Variants in SCEL observed in about 807,000 individuals in gnomAD.
SCEL encodes sciellin.
In SCEL, 113 loss-of-function variants were observed where a neutral mutation model predicts 117.6. The ratio of observed to expected loss-of-function variants is 0.96; its 90% CI spans 0.83 to 1.12. The LOEUF (loss-of-function observed/expected upper bound fraction) is 1.12, where lower values mean the gene tolerates loss of function less well. Ranked by LOEUF, SCEL falls within the 50% of genes most tolerant of loss-of-function variation. The probability of loss-of-function intolerance (pLI) is 0.00; values close to 1 mark genes in which losing one functional copy is unlikely to be tolerated. For missense variants in SCEL, 785 were observed against 810.8 expected (o/e 0.97, Z 0.39); for synonymous variants, 270 against 256.2 (o/e 1.05, Z -0.51).
chr13:77,564,054 C>T (rs2085142020), intron 5 of SCEL, among the ~76,000 whole-genome samples, 155 bp downstream of exon 5: 1 of 152,142 alleles, frequency 6.6e-6, no homozygotes, highest in Middle Eastern at 3.2e-3. Flanking sequence ...GAATTATCTT[C>T]TTCAGATCTC....
At chr13:77,552,029 A>C (rs2084361612) in intron 1 of SCEL, among the ~76,000 whole-genome samples, 2 of 151,662 alleles carry the variant, frequency 1.3e-5, no homozygotes, top group South Asian at 2.1e-4. Flanking sequence ...TGAACTCATC[A>C]TTTTTTATGG....
intron 9 of SCEL, among the ~76,000 whole-genome samples, chr13:77,582,477 C>T: frequency 6.6e-6 from 1 of 152,200 alleles, no homozygotes; most frequent in East Asian, 1.9e-4. Context: ...ATCCTCCTGC[C>T]TCGGCCTCCG....
intron 19 of SCEL, among the ~76,000 whole-genome samples, chr13:77,606,869 C>T (rs1269007700): frequency 1.3e-5 from 2 of 152,084 alleles, no homozygotes; most frequent in Non-Finnish European, 2.9e-5. Flanking sequence ...GTTCTTTTCC[C>T]TATGTGGCAT....
At chr13:77,563,425 A>G (rs866546558) in intron 4 of SCEL, among the ~76,000 whole-genome samples, 3 of 152,192 alleles carry the variant, frequency 2.0e-5, no homozygotes, top group Middle Eastern at 3.4e-3. Context: ...CACTGCTAAA[A>G]CTCTGCAAAC....
Position 77,590,286 on chromosome 13 carries a change from A to C in SCEL, c.626+1062A>C, listed in dbSNP as rs550299312. Among the ~76,000 whole-genome samples, 4 of 152,202 alleles carry C rather than the reference A, an allele frequency of 2.6e-5. No individual in the cohort carries two copies. The South Asian group carries it at 8.3e-4, about 32-fold the overall frequency. On this transcript the variant is annotated intron_variant, in intron 10 of 32. Coordinates refer to ENST00000349847, the MANE Select transcript of SCEL (RefSeq NM_144777.3). ...AGTGAAACTGCACAGGATCTTTGAA[A>C]TTTTGTCCATAGGATGAGAGCATAA...
intron 19 of SCEL, among the ~76,000 whole-genome samples, chr13:77,606,789 G>T (rs868490560): frequency 6.6e-6 from 1 of 152,092 alleles, no homozygotes; most frequent in African/African-American, 2.4e-5. Context: ...AAAACCTTGG[G>T]GCTTTTGGAC....
intron 17 of SCEL, 62 bp downstream of exon 17, chr13:77,602,775 T>C: frequency 7.2e-7 from 1 of 1,398,582 alleles, no homozygotes; most frequent in East Asian, 2.3e-5. Context: ...TTATGTGATA[T>C]TGAGGGCACC....
chr13:77,602,171 C>A, intron 16 of SCEL, 47 bp downstream of exon 16: 1 of 1,485,478 alleles, frequency 6.7e-7, no homozygotes, highest in East Asian at 2.3e-5. Flanking sequence ...TTCAGGTTAG[C>A]TTTTTTACCT....
At chr13:77,604,893 G>A (rs181723587) in intron 19 of SCEL, among the ~76,000 whole-genome samples, 66 of 152,094 alleles carry the variant, frequency 4.3e-4, no homozygotes, top group East Asian at 1.3e-3. Context: ...GTGTGTGTGC[G>A]TATGTATAAA....
At chr13:77,573,276 C>G (rs1229319341) in intron 9 of SCEL, among the ~76,000 whole-genome samples, 1 of 152,160 alleles carries the variant, frequency 6.6e-6, no homozygotes, top group African/African-American at 2.4e-5. Context: ...TCGATATCAT[C>G]ACTAACTCAG....
chr13:77,619,683 C>T lies in SCEL; in HGVS notation c.1628+1623C>T, dbSNP rs897488138. 2.6e-5 allele frequency among the ~76,000 whole-genome samples: 4 copies of T among 152,136 alleles called. No homozygotes were observed. The East Asian group carries it at 5.8e-4, about 22-fold the overall frequency. ...GTGGACCCTCCTGCTGAGAATCGTA[C>T]GGAAATATCTTTGTTAAGTAGAGCC... On this transcript the variant is annotated intron_variant, in intron 27 of 32. Coordinates refer to ENST00000349847, the MANE Select transcript of SCEL (RefSeq NM_144777.3).
intron 1 of SCEL, among the ~76,000 whole-genome samples, chr13:77,539,715 T>C (rs2083598788): frequency 1.3e-5 from 2 of 152,002 alleles, no homozygotes; most frequent in African/African-American, 4.8e-5. Context: ...TTTGTATTTT[T>C]AGTAGAGATG....
chr13:77,554,527 G>T (rs1344106580), intron 1 of SCEL, among the ~76,000 whole-genome samples: 1 of 152,188 alleles, frequency 6.6e-6, no homozygotes, highest in Non-Finnish European at 1.5e-5. Context: ...AGTTGTTGCA[G>T]GAAATACTTT....
chr13:77,631,531 T>C (rs1377614006), intron 28 of SCEL, among the ~76,000 whole-genome samples: 1 of 152,230 alleles, frequency 6.6e-6, no homozygotes, highest in Non-Finnish European at 1.5e-5. Context: ...GTTTGACAGC[T>C]CTGTTATAAT....
At chr13:77,556,022 C>G (rs2084637031) in intron 2 of SCEL, 104 bp downstream of exon 2, 1 of 804,696 alleles carries the variant, frequency 1.2e-6, no homozygotes, top group Admixed American at 2.0e-5. Context: ...TTAGAAACAA[C>G]AGTCTAATTT....
chr13:77,611,933 C>G (rs1299499654), intron 22 of SCEL, among the ~76,000 whole-genome samples: 2 of 152,054 alleles, frequency 1.3e-5, no homozygotes, highest in Non-Finnish European at 2.9e-5. Flanking sequence ...TAGCACTACT[C>G]AATGTGAAGA....
chr13:77,537,230 T>G (rs1339785245), intron 1 of SCEL, among the ~76,000 whole-genome samples: 1 of 152,210 alleles, frequency 6.6e-6, no homozygotes. Flanking sequence ...GACAGAATAT[T>G]TCAACTGAAA....
chr13:77,539,560 CAG>C (rs2083587429), intron 1 of SCEL, among the ~76,000 whole-genome samples: 1 of 149,868 alleles, frequency 6.7e-6, no homozygotes, highest in Non-Finnish European at 1.5e-5. Flanking sequence ...TTTTTTGAGA[CAG>C]AGTCTCGCTC....
chr13:77,619,877 C>T (rs1400507193), intron 27 of SCEL, among the ~76,000 whole-genome samples: 2 of 152,112 alleles, frequency 1.3e-5, no homozygotes, highest in Non-Finnish European at 2.9e-5. Context: ...TTCCCAACCC[C>T]TTTCCTCCCT....
Sources: allele counts gnomAD v4.1 joint callset (sites outside exome capture counted in the v4.1 genomes callset), GRCh38; gene constraint gnomAD v4.1.1; transcripts MANE v1.5; gene names NCBI Gene and HGNC (gene_info 2026-07-23, HGNC 2026-07-21).